POLQ: variants seen among roughly 807,000 people sequenced by gnomAD.
POLQ encodes the protein epididymis secretory sperm binding protein.
In POLQ, 233 loss-of-function variants were observed where a neutral mutation model predicts 259.2. The observed-to-expected ratio is 0.90, with a 90% CI of 0.81 to 1.00. The LOEUF (loss-of-function observed/expected upper bound fraction) is 1.00. Ranked by LOEUF, POLQ falls within the 50% of genes least tolerant of loss-of-function variation. POLQ has a pLI of 0.00. For synonymous variants in POLQ, 1,025 were observed against 1,048.8 expected (o/e 0.98, Z 0.44); for missense variants, 2,871 against 3,051.6 (o/e 0.94, Z 1.39).
Position 121,467,735 on chromosome 3 carries a change from A to T in POLQ, c.6846-95T>A, listed in dbSNP as rs879213593. 78 of 1,293,508 alleles carry T rather than the reference A, an allele frequency of 6.0e-5. No individual in the cohort carries two copies. The South Asian group carries it at 8.4e-4, about 14-fold the overall frequency. The allele number at this position is 1,293,508 out of a possible 1,614,324, so 80.1% of individuals were successfully genotyped here. ...AGTAACATCAGTATTTCCGTCTAAG[A>T]AACTTAATAAAAACCTTACTGAGGG... On this transcript the variant is annotated intron_variant, in intron 23 of 29. Coordinates refer to ENST00000264233, the MANE Select transcript of POLQ (RefSeq NM_199420.4).
chr3:121,522,165 T>A lies in POLQ; in HGVS notation c.1109-16A>T. On this transcript the variant is annotated splice_polypyrimidine_tract_variant and intron_variant, in intron 7 of 29. Coordinates refer to ENST00000264233, the MANE Select transcript of POLQ (RefSeq NM_199420.4). Reference sequence around the variant, plus strand: ...TTCACCAATCCTGTCACAAAAAAATTATCAACACCATTTGCTTCTAACTCA... The same window carrying A: ...TTCACCAATCCTGTCACAAAAAAATAATCAACACCATTTGCTTCTAACTCA... 1 of 1,587,636 alleles carries A rather than the reference T, an allele frequency of 6.3e-7. No homozygotes were observed. The highest frequency in any genetic ancestry group is 8.5e-7 in the Non-Finnish European group (1 of 1,170,670).
chr3:121,485,233 A>G (rs2048002382), intron 16 of POLQ, 49 bp from the exon 17 acceptor site: 2 of 1,257,522 alleles, frequency 1.6e-6, no homozygotes, highest in East Asian at 2.4e-5. Flanking sequence ...AAATAAAGAC[A>G]TTACATAAAT....
At position 121,489,249 on chromosome 3, in the gene POLQ, T is replaced by A; in HGVS notation, c.3682A>T (p.Asn1228Tyr). ...TTGATAGTAACATTTGAGTCTCTATTTATGTAACTACTGACTGCTTCACAG... is the reference window on the plus strand; with the variant it reads ...TTGATAGTAACATTTGAGTCTCTATATATGTAACTACTGACTGCTTCACAG... Reference protein sequence around the residue: ...MPCEAVSSYINRDSNVTINCE... With the variant: ...MPCEAVSSYIYRDSNVTINCE... The change falls in exon 16 of 30, where the codon AAT becomes TAT. Residue 1228 changes from asparagine to tyrosine, a missense_variant. Asn to Tyr is a moderately radical substitution (Grantham distance 143). Around this residue, in one of 3 missense-constraint regions of POLQ, gnomAD observed 2,080 missense variants for 2,126.0 expected, o/e 0.98. Transcript: ENST00000264233. The A allele has an allele frequency of 4.3e-6, 7 of 1,612,940 alleles. No individual in the cohort carries two copies. The highest frequency in any genetic ancestry group is 5.9e-6 in the Non-Finnish European group (7 of 1,179,294).
intron 22 of POLQ, among the ~76,000 whole-genome samples, chr3:121,469,120 G>A (rs555091346): frequency 3.3e-5 from 5 of 150,716 alleles, no homozygotes; most frequent in South Asian, 2.1e-4. Context: ...CCTGGGAGGC[G>A]GAGGTTGCAC....
chr3:121,435,670 T>C (rs2108772108), intron 28 of POLQ, among the ~76,000 whole-genome samples: 1 of 152,310 alleles, frequency 6.6e-6, no homozygotes, highest in East Asian at 1.9e-4. Flanking sequence ...GTACAGAGTT[T>C]CCCAAAGAGG....
intron 3 of POLQ, among the ~76,000 whole-genome samples, chr3:121,540,258 C>A (rs1457460840): frequency 6.6e-6 from 1 of 151,944 alleles, no homozygotes; most frequent in East Asian, 1.9e-4. Flanking sequence ...TAAAATTTTC[C>A]TGAGTGTTTA....
intron 2 of POLQ, among the ~76,000 whole-genome samples, chr3:121,543,181 A>T (rs906662772): frequency 1.3e-5 from 2 of 152,224 alleles, no homozygotes; most frequent in African/African-American, 4.8e-5. Context: ...TTAATTGTAT[A>T]AGCTGGTGAC....
rs770410117 is a variant in POLQ, at chr3:121,487,593, T to C, written c.5338A>G (p.Ile1780Val). 1.1e-5 allele frequency: 18 copies of C among 1,613,956 alleles called. No homozygotes were observed. The African/African-American group carries it at 1.2e-4, about 11-fold the overall frequency. ...CCTGGACTTAAATCGTGGTTTTTAATATCTGAAGGTGAGCCAAATAAATAA... is the reference window on the plus strand; with the variant it reads ...CCTGGACTTAAATCGTGGTTTTTAACATCTGAAGGTGAGCCAAATAAATAA... Reference protein sequence around the residue: ...ESYLFGSPSDIKNHDLSPGSR... With the variant: ...ESYLFGSPSDVKNHDLSPGSR... The change falls in exon 16 of 30, where the codon ATT (isoleucine) becomes GTT (valine). Residue 1780 changes from isoleucine to valine, a missense_variant. Transcript: ENST00000264233.
chr3:121,437,423 A>G (rs977250781), intron 27 of POLQ, among the ~76,000 whole-genome samples: 2 of 152,208 alleles, frequency 1.3e-5, no homozygotes, highest in East Asian at 3.8e-4. Flanking sequence ...AATGGCTAAT[A>G]CACATTTGTA....
chr3:121,509,097 G>GT (rs1576421127), intron 12 of POLQ, among the ~76,000 whole-genome samples: 1 of 152,162 alleles, frequency 6.6e-6, no homozygotes, highest in South Asian at 2.1e-4. Context: ...AACTTGTTTT[G>GT]TTTTTTATCT....
chr3:121,456,011 G>A (rs1223000359), intron 25 of POLQ, among the ~76,000 whole-genome samples: 1 of 152,094 alleles, frequency 6.6e-6, no homozygotes, highest in Non-Finnish European at 1.5e-5. Flanking sequence ...AAATCCAGCA[G>A]CACATCAAAA....
chr3:121,483,672 G>A, intron 17 of POLQ, 90 bp from the exon 18 acceptor site: 1 of 961,090 alleles, frequency 1.0e-6, no homozygotes, highest in Non-Finnish European at 1.5e-6. Context: ...TAGAAAGACT[G>A]AAAAAGACTC....
intron 25 of POLQ, among the ~76,000 whole-genome samples, chr3:121,455,585 A>G (rs1402544344): frequency 1.3e-5 from 2 of 152,200 alleles, no homozygotes; most frequent in African/African-American, 2.4e-5. Context: ...ACAAACTACC[A>G]TCAGAGAATA....
At chr3:121,449,206 G>A (rs1185947516) in intron 26 of POLQ, 109 bp downstream of exon 26, 1 of 629,154 alleles carries the variant, frequency 1.6e-6, no homozygotes, top group East Asian at 2.6e-5. Flanking sequence ...AATGCCTGAT[G>A]AAAACTTCTG....
chr3:121,505,648 C>T (rs1346080870), intron 12 of POLQ, among the ~76,000 whole-genome samples: 2 of 151,660 alleles, frequency 1.3e-5, no homozygotes, highest in Admixed American at 1.3e-4. Flanking sequence ...TTACAGATAG[C>T]CATTATGAAA....
chr3:121,526,538 A>C (rs1487458947), intron 7 of POLQ, among the ~76,000 whole-genome samples: 1 of 152,096 alleles, frequency 6.6e-6, no homozygotes, highest in African/African-American at 2.4e-5. Context: ...TTTCATCTGC[A>C]TTAAAAATCT....
chr3:121,468,350 C>A lies in POLQ; in HGVS notation c.6800G>T (p.Ser2267Ile). ...TTTGCCTACAGCTTGAGAAGGTGGGCTTTCTCCTACTAGTGTTGGCATTTT... is the reference window on the plus strand; with the variant it reads ...TTTGCCTACAGCTTGAGAAGGTGGGATTTCTCCTACTAGTGTTGGCATTTT... ...EIKMPTLVGE[S>I]PPSQAVGKGL... Residue 2267 changes from serine to isoleucine, a missense_variant, in exon 23 of 30, where the codon AGC (serine) becomes ATC (isoleucine). By Grantham distance (142) the Ser-to-Ile change is moderately radical. This residue lies in a region of POLQ where 2,080 missense variants were observed against 2,126.0 expected (regional missense o/e 0.98). Coordinates refer to ENST00000264233, the MANE Select transcript of POLQ (RefSeq NM_199420.4). The A allele has an allele frequency of 6.2e-7, 1 of 1,612,640 alleles. No homozygotes were observed. The highest frequency in any genetic ancestry group is 8.5e-7 in the Non-Finnish European group (1 of 1,178,772).
rs186333512 is a variant in POLQ at position 121,440,049 on chromosome 3, C to T, written c.7332G>A (p.Leu2444=). ...TTCCTGGCAAATATCTACGCCTTCC[C>T]AAAATGGTCTGAACAAATCCGTCTC... The part of the protein sequence containing the change: ...CKRDGFVQTI[L]GRRRYLPGIK... The change falls in exon 27 of 30, where the codon TTG becomes TTA. Residue 2444 remains leucine (L), a synonymous_variant. Transcript: ENST00000264233. The T allele has an allele frequency of 7.7e-5, 124 of 1,612,346 alleles. No individual in the cohort carries two copies. The Admixed American group carries it at 2.0e-3, about 26-fold the overall frequency.
intron 24 of POLQ, among the ~76,000 whole-genome samples, chr3:121,461,662 AAAG>A (rs201801751): frequency 0.57 from 74,669 of 132,036 alleles, 19,841 homozygotes; most frequent in East Asian, 0.82. Flanking sequence ...AAAAAAAAAA[AAAG>A]AAAGAAAAAG....
Sources: gnomAD v4.1 joint callset for allele counts (sites outside exome capture counted in the v4.1 genomes callset) on GRCh38, gnomAD v4.1.1 for gene constraint, gnomAD v4.1.1 regional missense constraint, MANE v1.5 for transcripts, NCBI Gene and HGNC (gene_info 2026-07-23, HGNC 2026-07-21) for gene names.